ANKS1B: variants seen among roughly 807,000 people sequenced by gnomAD.
ANKS1B encodes ankyrin repeat and sterile alpha motif domain-containing protein 1B.
In ANKS1B, 36 loss-of-function variants were observed where a neutral mutation model predicts 148.3. The ratio of observed to expected loss-of-function variants is 0.24; its 90% CI spans 0.19 to 0.32. The LOEUF (loss-of-function observed/expected upper bound fraction) is 0.32. ANKS1B is among the 10% of genes least tolerant of loss of function. ANKS1B has a pLI of 1.00. For missense variants in ANKS1B, 1,157 were observed against 1,542.6 expected, an observed-to-expected ratio of 0.75 and a Z score of 4.19; for synonymous variants, 542 against 560.8, an observed-to-expected ratio of 0.97 and a Z score of 0.47.
chr12:99,466,924 T>G (rs1404618425), intron 10 of ANKS1B, among the ~76,000 whole-genome samples: 1 of 151,998 alleles, frequency 6.6e-6, no homozygotes, highest in African/African-American at 2.4e-5. Flanking sequence ...AGGGAATCCT[T>G]CCTAACTCAT....
At chr12:98,941,435 CAAG>C (rs940867040) in intron 17 of ANKS1B, among the ~76,000 whole-genome samples, 1 of 152,174 alleles carries the variant, frequency 6.6e-6, no homozygotes, top group South Asian at 2.1e-4. Context: ...AGAGCTGAAA[CAAG>C]AAGGAGAGGC....
intron 17 of ANKS1B, among the ~76,000 whole-genome samples, chr12:98,885,862 AAG>A (rs778571693): frequency 8.5e-5 from 13 of 152,198 alleles, no homozygotes; most frequent in Non-Finnish European, 1.3e-4. Flanking sequence ...ACATAGCTCA[AAG>A]AGGAAGCAAA....
intron 10 of ANKS1B, among the ~76,000 whole-genome samples, chr12:99,499,015 T>C (rs2152990657): frequency 6.6e-6 from 1 of 152,244 alleles, no homozygotes; most frequent in Admixed American, 6.5e-5. Context: ...TATGGGTTAA[T>C]GGAATCAACA....
At chr12:99,787,176 A>C (rs936591969) in intron 4 of ANKS1B, among the ~76,000 whole-genome samples, 28 of 152,154 alleles carry the variant, frequency 1.8e-4, no homozygotes, top group Non-Finnish European at 4.0e-4. Flanking sequence ...TCTCATCTTG[A>C]ATTTTAGTTC....
intron 9 of ANKS1B, among the ~76,000 whole-genome samples, chr12:99,518,252 T>C (rs1596250672): frequency 6.6e-6 from 1 of 152,284 alleles, no homozygotes; most frequent in South Asian, 2.1e-4. Flanking sequence ...AAGTATTCTC[T>C]CCTCCTCTAC....
intron 1 of ANKS1B, among the ~76,000 whole-genome samples, chr12:99,951,068 A>G (rs1023994006): frequency 6.6e-6 from 1 of 152,124 alleles, no homozygotes; most frequent in East Asian, 1.9e-4. Flanking sequence ...GCATTGCACC[A>G]CTGTCCTCTA....
chr12:99,441,104 G>C (rs141575924), intron 11 of ANKS1B, among the ~76,000 whole-genome samples: 1 of 151,524 alleles, frequency 6.6e-6, no homozygotes, highest in Non-Finnish European at 1.5e-5. Flanking sequence ...TTTTTAGAAC[G>C]GTCTTTAATA....
At chr12:99,103,737 C>T (rs1410258814) in intron 15 of ANKS1B, among the ~76,000 whole-genome samples, 1 of 152,084 alleles carries the variant, frequency 6.6e-6, no homozygotes, top group East Asian at 1.9e-4. Context: ...GTTTTTTGCA[C>T]CTGCTCTAGT....
chr12:99,325,504 CA>C (rs146988203), intron 12 of ANKS1B, among the ~76,000 whole-genome samples: 6,033 of 152,164 alleles, frequency 0.04, 370 homozygotes, highest in African/African-American at 0.13. Flanking sequence ...TCATTTTTTC[CA>C]TGCTCTAACT....
At chr12:99,557,581 T>C (rs2097290668) in intron 9 of ANKS1B, among the ~76,000 whole-genome samples, 1 of 152,220 alleles carries the variant, frequency 6.6e-6, no homozygotes, top group African/African-American at 2.4e-5. Context: ...TTGTATTTCT[T>C]AGATTCCTTG....
At chr12:99,436,467 A>T (rs2095462572) in intron 11 of ANKS1B, among the ~76,000 whole-genome samples, 1 of 152,038 alleles carries the variant, frequency 6.6e-6, no homozygotes, top group South Asian at 2.1e-4. Context: ...TTTATTCCTT[A>T]TCTATTTTTT....
chr12:99,798,529 T>C (rs1329715871), intron 4 of ANKS1B, among the ~76,000 whole-genome samples: 2 of 151,960 alleles, frequency 1.3e-5, no homozygotes, highest in Non-Finnish European at 2.9e-5. Flanking sequence ...TTGCATTATC[T>C]AGACCATATC....
intron 11 of ANKS1B, among the ~76,000 whole-genome samples, chr12:99,435,991 GCT>G (rs953843092): frequency 2.0e-5 from 3 of 151,582 alleles, no homozygotes; most frequent in Admixed American, 6.6e-5. Context: ...TTTCCAAATC[GCT>G]CTTTGTTTTA....
At chr12:99,619,188 C>A (rs12308197) in intron 9 of ANKS1B, among the ~76,000 whole-genome samples, 2,895 of 151,998 alleles carry the variant, frequency 0.019, 82 homozygotes, top group African/African-American at 0.065. Context: ...GCCTGAGCCA[C>A]CCCACCCTTC....
chr12:98,972,138 A>G (rs1209287141), intron 17 of ANKS1B, among the ~76,000 whole-genome samples: 2 of 152,202 alleles, frequency 1.3e-5, no homozygotes, highest in African/African-American at 4.8e-5. Flanking sequence ...ACTGCACTCC[A>G]GCCTGGGCAA....
intron 17 of ANKS1B, among the ~76,000 whole-genome samples, chr12:98,849,529 C>A (rs1397475140): frequency 6.6e-6 from 1 of 152,152 alleles, no homozygotes; most frequent in Non-Finnish European, 1.5e-5. Context: ...TTGAATCTTA[C>A]ATAAGTATGG....
intron 14 of ANKS1B, among the ~76,000 whole-genome samples, chr12:99,194,780 C>T (rs1409624484): frequency 6.6e-6 from 1 of 151,974 alleles, no homozygotes; most frequent in Non-Finnish European, 1.5e-5. Context: ...TTTTTACATG[C>T]AATATATTAA....
intron 17 of ANKS1B, among the ~76,000 whole-genome samples, chr12:98,984,023 G>T (rs1056671934): frequency 1.3e-5 from 2 of 152,188 alleles, no homozygotes; most frequent in Non-Finnish European, 2.9e-5. Context: ...TATTTCTGCT[G>T]ATACAATTTT....
At chr12:99,620,578 T>A (rs187145816) in intron 9 of ANKS1B, among the ~76,000 whole-genome samples, 1 of 152,100 alleles carries the variant, frequency 6.6e-6, no homozygotes, top group African/African-American at 2.4e-5. Context: ...TTGAAAGGAA[T>A]TGAAATACTT....
Sources: gnomAD v4.1 joint callset for allele counts (sites outside exome capture counted in the v4.1 genomes callset) on GRCh38, gnomAD v4.1.1 for gene constraint, MANE v1.5 for transcripts, NCBI Gene and HGNC (gene_info 2026-07-23, HGNC 2026-07-21) for gene names.